Variants in SPAG17 observed in about 807,000 individuals in gnomAD.
SPAG17 encodes sperm associated antigen 17.
A neutral mutation model predicts 273.6 loss-of-function variants in SPAG17; 169 were observed. The ratio of observed to expected loss-of-function variants is 0.62; its 90% CI spans 0.55 to 0.70. The LOEUF (loss-of-function observed/expected upper bound fraction) is 0.70. SPAG17 is among the 30% of genes least tolerant of loss of function. SPAG17 has a pLI of 0.00. For missense variants in SPAG17, 2,557 were observed against 2,627.8 expected (o/e 0.97, Z 0.59); for synonymous variants, 825 against 873.2 (o/e 0.94, Z 0.97).
At chr1:118,180,864 T>C (rs1451117947) in intron 1 of SPAG17, among the ~76,000 whole-genome samples, 1 of 152,056 alleles carries the variant, frequency 6.6e-6, no homozygotes, top group Non-Finnish European at 1.5e-5. Flanking sequence ...AATTTATTTT[T>C]AACAGTATTA....
intron 4 of SPAG17, among the ~76,000 whole-genome samples, chr1:118,103,665 T>C (rs1288942781): frequency 2.0e-5 from 3 of 151,934 alleles, no homozygotes; most frequent in African/African-American, 7.3e-5. Flanking sequence ...AACAAACAGA[T>C]AAAAATGTAA....
intron 1 of SPAG17, among the ~76,000 whole-genome samples, chr1:118,169,055 T>C (rs1292039364): frequency 6.6e-6 from 1 of 152,172 alleles, no homozygotes; most frequent in Non-Finnish European, 1.5e-5. Context: ...TGAAACATGG[T>C]CAATAGTCAC....
At position 118,160,637 on chromosome 1, in the gene SPAG17, T is replaced by A. The variant is rs1166155664; in HGVS notation, c.88-9268A>T. On this transcript the variant is annotated intron_variant, in intron 1 of 48. Coordinates refer to ENST00000336338, the MANE Select transcript of SPAG17 (RefSeq NM_206996.4). ...AGTGGGGCATATCCAGGGCTACTTC[T>A]ACAAACACAAGATTGCCCTGATTAC... Among the ~76,000 whole-genome samples, 3 of 152,238 alleles carry A rather than the reference T, an allele frequency of 2.0e-5. No individual in the cohort carries two copies. The South Asian group carries it at 6.2e-4, about 31-fold the overall frequency.
rs745369438 is a variant in SPAG17 at position 118,025,331 on chromosome 1, A to C, written c.3816T>G (p.Tyr1272Ter). 6.2e-7 allele frequency: 1 copy of C among 1,613,568 alleles called. No homozygotes were observed. The highest frequency in any genetic ancestry group is 8.5e-7 in the Non-Finnish European group (1 of 1,179,754). The change falls in exon 27 of 49, where the codon TAT becomes TAG. Residue 1272 changes from tyrosine (Y) to a stop codon, truncating the protein, a stop_gained. Coordinates refer to ENST00000336338, the MANE Select transcript of SPAG17 (RefSeq NM_206996.4). LOFTEE classifies it high-confidence loss of function. The stretch of plus-strand genomic sequence containing the variant: ...GCTCTGCGGGTGGCATCACCGTTTT[A>C]TAGAACTCATAGTGCTTCACCCTCT... Reference protein sequence around the residue: ...YPQRVKHYEFYKTVMPPAEQE... With the variant: ...YPQRVKHYEF
chr1:118,129,862 G>T (rs1460772251), intron 3 of SPAG17, among the ~76,000 whole-genome samples: 1 of 150,460 alleles, frequency 6.6e-6, no homozygotes, highest in African/African-American at 2.5e-5. Flanking sequence ...TTACTAAGCT[G>T]CCCCTTTCAG....
intron 7 of SPAG17, among the ~76,000 whole-genome samples, chr1:118,096,554 A>G (rs17037892): frequency 0.061 from 9,338 of 152,124 alleles, 450 homozygotes; most frequent in East Asian, 0.26. Flanking sequence ...GTTAGTTGGG[A>G]TAAGGGTCAA....
intron 43 of SPAG17, among the ~76,000 whole-genome samples, chr1:117,980,385 C>G (rs192233203): frequency 6.6e-6 from 1 of 152,104 alleles, no homozygotes; most frequent in African/African-American, 2.4e-5. Flanking sequence ...GCAAGCGCCA[C>G]CATGCCCAGC....
At chr1:118,166,578 AT>A (rs949131518) in intron 1 of SPAG17, among the ~76,000 whole-genome samples, 1 of 151,510 alleles carries the variant, frequency 6.6e-6, no homozygotes, top group African/African-American at 2.4e-5. Flanking sequence ...ATTTTGTCTA[AT>A]TTTTTTTTCT....
At chr1:117,985,492 T>C (rs1262644932) in intron 40 of SPAG17, among the ~76,000 whole-genome samples, 2 of 152,168 alleles carry the variant, frequency 1.3e-5, no homozygotes, top group African/African-American at 2.4e-5. Flanking sequence ...TGAAGTAAGC[T>C]TGAGCATGGA....
intron 3 of SPAG17, among the ~76,000 whole-genome samples, chr1:118,129,694 TCTTCC>T (rs1657944979): frequency 6.6e-6 from 1 of 150,898 alleles, no homozygotes; most frequent in Non-Finnish European, 1.5e-5. Flanking sequence ...TTCTTCTTCC[TCTTCC>T]CTTCTTTCTT....
intron 43 of SPAG17, among the ~76,000 whole-genome samples, chr1:117,980,444 C>G (rs1655662615): frequency 6.6e-6 from 1 of 152,156 alleles, no homozygotes; most frequent in Admixed American, 6.5e-5. Context: ...ATTGGCCAGT[C>G]TGGTCTTGCA....
intron 13 of SPAG17, among the ~76,000 whole-genome samples, chr1:118,082,646 G>A (rs986019966): frequency 3.9e-5 from 6 of 152,130 alleles, no homozygotes; most frequent in Admixed American, 6.6e-5. Flanking sequence ...CATTCTAGTC[G>A]TTGGAAACAG....
At chr1:118,042,854 G>A (rs1649930566) in intron 20 of SPAG17, among the ~76,000 whole-genome samples, 1 of 152,160 alleles carries the variant, frequency 6.6e-6, no homozygotes, top group Admixed American at 6.5e-5. Flanking sequence ...ACTGTGGTGT[G>A]TACTTTCATT....
intron 35 of SPAG17, 120 bp from the exon 36 acceptor site, chr1:117,992,768 T>TG: frequency 1.1e-6 from 1 of 883,108 alleles, no homozygotes. Context: ...GACACAGTGG[T>TG]GAAAAAAAAT....
chr1:117,954,443 C>G (rs1222987622), intron 48 of SPAG17: 3 of 786,550 alleles, frequency 3.8e-6, no homozygotes, highest in Middle Eastern at 3.2e-4. Context: ...TTTGATAATT[C>G]TTTTACACTC....
At chr1:117,970,725 C>T (rs1654456952) in intron 45 of SPAG17, among the ~76,000 whole-genome samples, 1 of 152,114 alleles carries the variant, frequency 6.6e-6, no homozygotes, top group South Asian at 2.1e-4. Context: ...CCACTCTGAC[C>T]CCAACACTGC....
chr1:118,090,579 G>A (rs1379400268), intron 10 of SPAG17, among the ~76,000 whole-genome samples: 1 of 152,142 alleles, frequency 6.6e-6, no homozygotes, highest in Non-Finnish European at 1.5e-5. Flanking sequence ...AAAGAAAGTA[G>A]AAAGATGGAA....
chr1:118,018,882 A>T (rs746649529), intron 28 of SPAG17, among the ~76,000 whole-genome samples: 4 of 152,110 alleles, frequency 2.6e-5, no homozygotes, highest in Non-Finnish European at 5.9e-5. Flanking sequence ...AATATTTGGT[A>T]TATAATAAAC....
chr1:118,121,610 T>C (rs1657424734), intron 3 of SPAG17, among the ~76,000 whole-genome samples: 1 of 152,196 alleles, frequency 6.6e-6, no homozygotes, highest in Non-Finnish European at 1.5e-5. Flanking sequence ...TCTGATGATC[T>C]GAAGTGGAGC....
Sources: allele counts gnomAD v4.1 joint callset (sites outside exome capture counted in the v4.1 genomes callset), GRCh38; gene constraint gnomAD v4.1.1; transcripts MANE v1.5; gene names NCBI Gene and HGNC (gene_info 2026-07-23, HGNC 2026-07-21).